Variants in PPM1L observed in about 807,000 individuals in gnomAD.
PPM1L encodes protein phosphatase, Mg2+/Mn2+ dependent 1L.
Under a neutral mutation model 31.4 loss-of-function variants are expected in PPM1L, and 13 were observed. The ratio of observed to expected loss-of-function variants is 0.41; its 90% CI spans 0.27 to 0.66. The LOEUF (loss-of-function observed/expected upper bound fraction) is 0.66, where lower values mean the gene tolerates loss of function less well. PPM1L is among the 30% of genes least tolerant of loss of function. The probability of loss-of-function intolerance (pLI) is 0.29; values close to 1 mark genes in which losing one functional copy is unlikely to be tolerated. For missense variants in PPM1L, 326 were observed against 453.7 expected (o/e 0.72, Z 2.56); for synonymous variants, 184 against 175.4 (o/e 1.05, Z -0.39).
chr3:160,961,574 T>C (rs1715964891), intron 1 of PPM1L, among the ~76,000 whole-genome samples, 162 bp from the exon 2 acceptor site: 1 of 152,200 alleles, frequency 6.6e-6, no homozygotes. Flanking sequence ...ATCACCTTAC[T>C]GGGTCCAGTG....
chr3:160,801,004 C>T (rs1712409036), intron 1 of PPM1L, among the ~76,000 whole-genome samples: 1 of 151,910 alleles, frequency 6.6e-6, no homozygotes, highest in African/African-American at 2.4e-5. Context: ...GCATATGAAG[C>T]CTGTTCAGTG....
intron 2 of PPM1L, among the ~76,000 whole-genome samples, chr3:161,040,764 C>T (rs1718884433): frequency 6.6e-6 from 1 of 152,074 alleles, no homozygotes; most frequent in Non-Finnish European, 1.5e-5. Flanking sequence ...ACCATAAATT[C>T]TCATCAGATG....
intron 1 of PPM1L, among the ~76,000 whole-genome samples, chr3:160,876,182 A>T (rs1276895907): frequency 1.3e-5 from 2 of 152,174 alleles, no homozygotes; most frequent in African/African-American, 4.8e-5. Flanking sequence ...TCATGATGAC[A>T]CCAACTGTTG....
At chr3:160,992,299 C>A (rs922396430) in intron 2 of PPM1L, among the ~76,000 whole-genome samples, 1 of 152,112 alleles carries the variant, frequency 6.6e-6, no homozygotes, top group African/African-American at 2.4e-5. Context: ...AGTGCTGTTA[C>A]AGCTTTATTC....
At chr3:160,895,570 A>T (rs541543299) in intron 1 of PPM1L, among the ~76,000 whole-genome samples, 1 of 152,118 alleles carries the variant, frequency 6.6e-6, no homozygotes, top group Admixed American at 6.5e-5. Context: ...CTTTTTCATG[A>T]TAGATAGAAT....
intron 2 of PPM1L, among the ~76,000 whole-genome samples, chr3:161,019,161 T>A (rs1413296401): frequency 6.6e-6 from 1 of 151,980 alleles, no homozygotes; most frequent in Non-Finnish European, 1.5e-5. Flanking sequence ...CAAATTAAGA[T>A]ACTTGTGGTC....
intron 1 of PPM1L, among the ~76,000 whole-genome samples, chr3:160,923,041 T>C (rs1714466627): frequency 6.6e-6 from 1 of 152,232 alleles, no homozygotes; most frequent in Non-Finnish European, 1.5e-5. Flanking sequence ...GGAGTTGCTG[T>C]AGAATTAACA....
intron 2 of PPM1L, among the ~76,000 whole-genome samples, chr3:161,059,370 G>A (rs982610821): frequency 1.3e-5 from 2 of 152,114 alleles, no homozygotes; most frequent in African/African-American, 4.8e-5. Flanking sequence ...ATGTACAGGA[G>A]GGTCATCGTG....
intron 3 of PPM1L, among the ~76,000 whole-genome samples, chr3:161,065,804 G>C (rs967835374): frequency 7.2e-5 from 11 of 152,160 alleles, no homozygotes; most frequent in African/African-American, 2.7e-4. Context: ...AGGCTAATAA[G>C]ATCTTTGGGC....
chr3:160,958,552 G>A (rs1463292611), intron 1 of PPM1L, among the ~76,000 whole-genome samples: 1 of 152,158 alleles, frequency 6.6e-6, no homozygotes, highest in Non-Finnish European at 1.5e-5. Flanking sequence ...ATTGTGCAGT[G>A]TGTCTCTTCA....
At chr3:160,935,469 G>A (rs1367612661) in intron 1 of PPM1L, among the ~76,000 whole-genome samples, 1 of 152,174 alleles carries the variant, frequency 6.6e-6, no homozygotes, top group Admixed American at 6.5e-5. Context: ...AGTTAAAAAA[G>A]TAGTGATCCA....
At chr3:160,770,155 T>C (rs1471330164) in intron 1 of PPM1L, among the ~76,000 whole-genome samples, 2 of 152,242 alleles carry the variant, frequency 1.3e-5, no homozygotes. Flanking sequence ...TACTTTCTTT[T>C]CTTTTCTTTT....
intron 1 of PPM1L, among the ~76,000 whole-genome samples, chr3:160,915,241 A>C (rs911418034): frequency 3.3e-5 from 5 of 152,214 alleles, no homozygotes; most frequent in African/African-American, 9.6e-5. Context: ...TGCAAAAATC[A>C]CGAGCATTCT....
At chr3:161,027,889 T>C (rs958344310) in intron 2 of PPM1L, among the ~76,000 whole-genome samples, 2 of 152,188 alleles carry the variant, frequency 1.3e-5, no homozygotes, top group African/African-American at 4.8e-5. Flanking sequence ...GAATAAAACC[T>C]AACCATATGG....
intron 1 of PPM1L, among the ~76,000 whole-genome samples, chr3:160,828,808 TA>T (rs1560118603): frequency 1.3e-5 from 2 of 152,034 alleles, no homozygotes; most frequent in Admixed American, 1.3e-4. Context: ...CACTAAAAGC[TA>T]AACCAGAGCA....
intron 1 of PPM1L, among the ~76,000 whole-genome samples, chr3:160,839,753 A>G (rs1207115341): frequency 1.3e-5 from 2 of 152,168 alleles, no homozygotes; most frequent in Admixed American, 6.5e-5. Flanking sequence ...TGCCAGTGAA[A>G]TTTCGAATCT....
At chr3:161,031,550 G>T (rs1255688364) in intron 2 of PPM1L, among the ~76,000 whole-genome samples, 3 of 131,494 alleles carry the variant, frequency 2.3e-5, no homozygotes, top group African/African-American at 8.9e-5. Flanking sequence ...ACCCATGCTG[G>T]AGTGCAGTGG....
chr3:161,006,467 G>A (rs1290630353), intron 2 of PPM1L, among the ~76,000 whole-genome samples: 1 of 152,034 alleles, frequency 6.6e-6, no homozygotes, highest in African/African-American at 2.4e-5. Context: ...AATGAACTGT[G>A]CACTTAAAAA....
In PPM1L at chr3:161,078,535, C is replaced by T. The variant is rs1720180980; in HGVS notation, c.*9378C>T. ...AATCAGGCTTTCTCGTAAGTTATTT[C>T]CTGAAAACCATCCATGATAAATACA... On this transcript the variant is annotated 3_prime_UTR_variant, in exon 4 of 4. Coordinates refer to ENST00000498165, the MANE Select transcript of PPM1L (RefSeq NM_139245.4). 2.0e-5 allele frequency: 3 copies of T among 152,162 alleles called. No individual in the cohort carries two copies. The South Asian group carries it at 6.2e-4, about 32-fold the overall frequency. 9.4% of individuals were successfully genotyped at this position (152,162 alleles called of 1,614,324 possible). A position where few individuals can be genotyped will look rare whatever the true frequency, so the allele number is the denominator to read the frequency against.
Sources: gnomAD v4.1 joint callset for allele counts (sites outside exome capture counted in the v4.1 genomes callset) on GRCh38, gnomAD v4.1.1 for gene constraint, MANE v1.5 for transcripts, NCBI Gene and HGNC (gene_info 2026-07-23, HGNC 2026-07-21) for gene names.